Variants in NFE2L2 observed in about 807,000 individuals in gnomAD.
NFE2L2 encodes the protein NFE2 like bZIP transcription factor 2, also known as nuclear factor erythroid 2-related factor 2.
In NFE2L2, 20 loss-of-function variants were observed where a neutral mutation model predicts 49.6. The observed-to-expected ratio is 0.40, with a 90% CI of 0.28 to 0.59. The LOEUF is 0.59. NFE2L2 is among the 20% of genes least tolerant of loss of function. NFE2L2 has a pLI of 0.40. For missense variants in NFE2L2, 578 were observed against 714.2 expected, an observed-to-expected ratio of 0.81 and a Z score of 2.17; for synonymous variants, 244 against 256.5, an observed-to-expected ratio of 0.95 and a Z score of 0.47.
chr2:177,263,386 A>C (rs1015797360), intron 1 of NFE2L2: 1 of 985,504 alleles, frequency 1.0e-6, no homozygotes, highest in Non-Finnish European at 1.2e-6. Flanking sequence ...ATTCTAATCT[A>C]CACTCGCAAC....
In NFE2L2 at chr2:177,231,664, T is replaced by G. The variant is rs1187858652; in HGVS notation, c.939A>C (p.Leu313=). 22 of 1,614,076 alleles carry G rather than the reference T, an allele frequency of 1.4e-5. No homozygotes were observed. The highest frequency in any genetic ancestry group is 1.9e-5 in the Non-Finnish European group (22 of 1,180,028). ...GATCAGAAACATCAATGGGCCCATTTAGAAGTTCAGAGAGTGAATGGCTTA... is the reference window on the plus strand; with the variant it reads ...GATCAGAAACATCAATGGGCCCATTGAGAAGTTCAGAGAGTGAATGGCTTA... ...ATLSHSLSEL[L]NGPIDVSDLS... The change falls in exon 5 of 5, where the codon CTA becomes CTC. Residue 313 remains leucine (L), a synonymous_variant. Transcript: ENST00000397062.
chr2:177,245,753 G>A (rs1036321530), intron 1 of NFE2L2, among the ~76,000 whole-genome samples: 1 of 152,122 alleles, frequency 6.6e-6, no homozygotes, highest in Admixed American at 6.5e-5. Flanking sequence ...GGGATTACAG[G>A]CACCTGCCAC....
chr2:177,256,345 CAA>C (rs1690523150), intron 1 of NFE2L2, among the ~76,000 whole-genome samples: 1 of 152,040 alleles, frequency 6.6e-6, no homozygotes, highest in African/African-American at 2.4e-5. Flanking sequence ...GCAGAGCAGA[CAA>C]GAGATTGTCA....
chr2:177,263,827 C>T lies in NFE2L2; in HGVS notation c.45+705G>A, dbSNP rs1406873850. 3 of 985,532 alleles carry T rather than the reference C, an allele frequency of 3.0e-6. No homozygotes were observed. In the South Asian group the frequency reaches 1.4e-4, roughly 46 times the overall value. 61.0% of individuals were successfully genotyped at this position (985,532 alleles called of 1,614,324 possible). On this transcript the variant is annotated intron_variant, in intron 1 of 4. Transcript: ENST00000397062. ...CGCGGGGCCCGGCTCAGCCGCCACA[C>T]GTCGGGGCTTCTGAGCCCGCTGGGC...
At chr2:177,263,552 G>A (rs1690820884) in intron 1 of NFE2L2, 2 of 985,404 alleles carry the variant, frequency 2.0e-6, no homozygotes, top group Non-Finnish European at 2.4e-6. Context: ...CTGGCGCGGC[G>A]AGGTTTGCAC....
At position 177,263,475 on chromosome 2, in the gene NFE2L2, G is replaced by A. The variant is rs1574288615; in HGVS notation, c.45+1057C>T. On this transcript the variant is annotated intron_variant, in intron 1 of 4. Coordinates refer to ENST00000397062, the MANE Select transcript of NFE2L2 (RefSeq NM_006164.5). Reference sequence around the variant, plus strand: ...GCAATTCTGAAACGCTAAATCCAAAGACAAAGCCGCTCTGGGGAAAATAGC... The same window carrying A: ...GCAATTCTGAAACGCTAAATCCAAAAACAAAGCCGCTCTGGGGAAAATAGC... 5.1e-6 allele frequency: 5 copies of A among 985,570 alleles called. No homozygotes were observed. In the South Asian group the frequency reaches 2.3e-4, roughly 46 times the overall value. 61.1% of individuals were successfully genotyped at this position (985,570 alleles called of 1,614,324 possible).
At chr2:177,247,938 C>T (rs1158426347) in intron 1 of NFE2L2, among the ~76,000 whole-genome samples, 1 of 152,186 alleles carries the variant, frequency 6.6e-6, no homozygotes, top group Non-Finnish European at 1.5e-5. Context: ...TAAGCTCAGC[C>T]TTTCTAATAG....
intron 1 of NFE2L2, among the ~76,000 whole-genome samples, chr2:177,252,471 T>C (rs1277178055): frequency 6.6e-6 from 1 of 152,186 alleles, no homozygotes; most frequent in African/African-American, 2.4e-5. Flanking sequence ...CTAATCATTG[T>C]AATTGGAAGC....
At chr2:177,255,175 C>G (rs1690472948) in intron 1 of NFE2L2, among the ~76,000 whole-genome samples, 1 of 152,158 alleles carries the variant, frequency 6.6e-6, no homozygotes, top group South Asian at 2.1e-4. Flanking sequence ...TCTATCTAGG[C>G]GAGTCATGTC....
chr2:177,237,887 G>A (rs1284284024), intron 1 of NFE2L2, among the ~76,000 whole-genome samples: 1 of 152,142 alleles, frequency 6.6e-6, no homozygotes, highest in Non-Finnish European at 1.5e-5. Flanking sequence ...TACATAGCAG[G>A]GTATCCTGTC....
intron 1 of NFE2L2, among the ~76,000 whole-genome samples, chr2:177,236,832 G>C (rs1689767517): frequency 6.6e-6 from 1 of 151,734 alleles, no homozygotes; most frequent in Non-Finnish European, 1.5e-5. Context: ...TATTTTTTCG[G>C]GTTTTTTTTC....
At chr2:177,234,719 T>TATA (rs1220296216) in intron 1 of NFE2L2, among the ~76,000 whole-genome samples, 9 of 152,212 alleles carry the variant, frequency 5.9e-5, no homozygotes, top group African/African-American at 1.9e-4. Context: ...ATATCCAGTT[T>TATA]ATAGAGGGAT....
chr2:177,230,807 T>G lies in NFE2L2; in HGVS notation c.1796A>C (p.Lys599Thr). The change falls in exon 5 of 5, where the codon AAG (lysine) becomes ACG (threonine). Residue 599 changes from lysine to threonine, a missense_variant. Transcript: ENST00000397062. ...GNVFLVPKSKKPDVKKN is the reference protein window; with the variant it reads ...GNVFLVPKSKTPDVKKN ...AATCTAGTTTTTCTTAACATCTGGC[T>G]TCTTACTTTTGGGAACAAGGAAAAC... 6.3e-7 allele frequency: 1 copy of G among 1,587,874 alleles called. No individual in the cohort carries two copies. The highest frequency in any genetic ancestry group is 8.5e-7 in the Non-Finnish European group (1 of 1,172,150).
Position 177,264,646 on chromosome 2 carries a change from G to A in NFE2L2, c.-70C>T, listed in dbSNP as rs1308650708. The A allele has an allele frequency of 3.7e-6, 5 of 1,366,366 alleles. No individual in the cohort carries two copies. In the African/African-American group the frequency reaches 4.6e-5, roughly 12 times the overall value. 84.6% of individuals were successfully genotyped at this position (1,366,366 alleles called of 1,614,324 possible). On this transcript the variant is annotated 5_prime_UTR_variant, in exon 1 of 5. Transcript: ENST00000397062. ...GTTCCGGCTGCCGAGGCGCGGCGCG[G>A]ACAGGGCGGCTCTGGTGGCGGCGGC...
chr2:177,248,652 G>A (rs574015858), intron 1 of NFE2L2, among the ~76,000 whole-genome samples: 2 of 152,234 alleles, frequency 1.3e-5, no homozygotes, highest in Admixed American at 1.3e-4. Context: ...TAGGTGATCC[G>A]CCTGCCTGGG....
intron 1 of NFE2L2, among the ~76,000 whole-genome samples, chr2:177,237,857 T>G (rs1226999027): frequency 6.6e-6 from 1 of 152,200 alleles, no homozygotes; most frequent in African/African-American, 2.4e-5. Context: ...CTTGGGCCGC[T>G]TCTTCTCAGT....
chr2:177,244,614 C>T (rs1690060058), intron 1 of NFE2L2, among the ~76,000 whole-genome samples: 1 of 152,176 alleles, frequency 6.6e-6, no homozygotes, highest in Admixed American at 6.5e-5. Context: ...TGTGAATATC[C>T]TTCCAATAAA....
chr2:177,234,302 A>G (rs1168382242), intron 1 of NFE2L2, 31 bp from the exon 2 acceptor site: 2 of 1,567,830 alleles, frequency 1.3e-6, no homozygotes, highest in Admixed American at 2.0e-5. Flanking sequence ...GGAAGGAGAG[A>G]GCTCATGTTT....
At chr2:177,247,994 A>G (rs114146136) in intron 1 of NFE2L2, among the ~76,000 whole-genome samples, 1,990 of 152,316 alleles carry the variant, frequency 0.013, 43 homozygotes, top group African/African-American at 0.045. Flanking sequence ...TGACCCATCT[A>G]CCGGCTCCTT....
Sources: allele counts gnomAD v4.1 joint callset (sites outside exome capture counted in the v4.1 genomes callset), GRCh38; gene constraint gnomAD v4.1.1; transcripts MANE v1.5; gene names NCBI Gene and HGNC (gene_info 2026-07-23, HGNC 2026-07-21).